The following SOBP variants were observed in gnomAD, a reference collection of about 807,000 sequenced individuals.
The protein encoded by SOBP is sine oculis binding protein homolog.
In SOBP, 4 loss-of-function variants were observed where a neutral mutation model predicts 53.6. The ratio of observed to expected loss-of-function variants is 0.07; its 90% CI spans 0.04 to 0.17. The LOEUF (loss-of-function observed/expected upper bound fraction) is 0.17. Among genes scored for constraint, SOBP ranks in the 10% least tolerant of loss-of-function variants. The pLI, the probability that SOBP is intolerant of heterozygous loss-of-function variation, is 1.00. For synonymous variants in SOBP, 584 were observed against 522.6 expected (o/e 1.12, Z -1.60); for missense variants, 1,088 against 1,204.7 (o/e 0.90, Z 1.43).
intron 1 of SOBP, among the ~76,000 whole-genome samples, chr6:107,495,264 C>T (rs1403917241): frequency 2.6e-5 from 4 of 152,286 alleles, no homozygotes. Flanking sequence ...TGTTCCTGAG[C>T]CTTCAGCCTT....
chr6:107,635,604 G>T lies in SOBP; in HGVS notation c.*3+135G>T. The T allele has an allele frequency of 6.5e-6, 8 of 1,228,656 alleles. No individual in the cohort carries two copies. The highest frequency in any genetic ancestry group is 1.9e-5 in the Admixed American group (1 of 51,344). 76.1% of individuals were successfully genotyped at this position (1,228,656 alleles called of 1,614,324 possible). On this transcript the variant is annotated intron_variant, in intron 6 of 6. Coordinates refer to ENST00000317357, the MANE Select transcript of SOBP (RefSeq NM_018013.4). The surrounding 1 kb of genome is among the most constrained non-coding windows in gnomAD (Gnocchi z 4.5). ...TTTATATTGCACACGGTGTGGTCAC[G>T]CTATCAACATTCTGAGCCAGCAGCT...
intron 3 of SOBP, among the ~76,000 whole-genome samples, chr6:107,521,909 AACACACACACACAC>A (rs34004579): frequency 0.52 from 73,025 of 139,228 alleles, 21,135 homozygotes; most frequent in Non-Finnish European, 0.66. Context: ...CAGACATTAA[AACACACACACACAC>A]ACACACACAC....
chr6:107,616,089 G>T (rs1240911073), intron 5 of SOBP, among the ~76,000 whole-genome samples: 6 of 128,122 alleles, frequency 4.7e-5, no homozygotes, highest in African/African-American at 1.8e-4. Context: ...GGGGGTGGGG[G>T]GGGGGCGGGG....
Position 107,635,436 on chromosome 6 carries a change from G to A in SOBP, c.2592G>A (p.Arg864=). The stretch of plus-strand genomic sequence containing the variant: ...ACCTGGAGCCGCCGCTCAAAAGGAG[G>A]TGCCTCCGAATTAGAAATCAGAATA... ...PEDLEPPLKR[R]CLRIRNQNK Residue 864 remains arginine, a synonymous_variant, in exon 6 of 7, where the codon AGG becomes AGA. Transcript: ENST00000317357. This position sits in a 1 kb window ranked among gnomAD's most constrained non-coding sequence, Gnocchi z 4.5. 3 of 1,613,554 alleles carry A rather than the reference G, an allele frequency of 1.9e-6. No homozygotes were observed. The highest frequency in any genetic ancestry group is 2.5e-6 in the Non-Finnish European group (3 of 1,180,020).
chr6:107,610,444 A>G (rs916784857), intron 5 of SOBP, among the ~76,000 whole-genome samples: 4 of 152,176 alleles, frequency 2.6e-5, no homozygotes, highest in African/African-American at 9.7e-5. Flanking sequence ...GAAGGGACAC[A>G]GTAGGTCTGA....
At chr6:107,599,084 C>T (rs1438046398) in intron 5 of SOBP, among the ~76,000 whole-genome samples, 2 of 152,028 alleles carry the variant, frequency 1.3e-5, no homozygotes, top group African/African-American at 4.8e-5. Flanking sequence ...GCAACAACCC[C>T]TTCCCCCTGA....
intron 5 of SOBP, among the ~76,000 whole-genome samples, chr6:107,612,280 G>A (rs1458703456): frequency 2.6e-5 from 4 of 152,154 alleles, no homozygotes; most frequent in African/African-American, 9.7e-5. Context: ...AGAACTGATA[G>A]CTTCAGGTCA....
chr6:107,605,205 A>T (rs1786328403), intron 5 of SOBP, among the ~76,000 whole-genome samples: 1 of 152,186 alleles, frequency 6.6e-6, no homozygotes, highest in Non-Finnish European at 1.5e-5. Flanking sequence ...ACATACTACA[A>T]TATCTGTTTT....
intron 1 of SOBP, among the ~76,000 whole-genome samples, chr6:107,502,961 A>G (rs1156278324): frequency 6.6e-6 from 1 of 151,908 alleles, no homozygotes; most frequent in East Asian, 1.9e-4. Flanking sequence ...GGGTTTCACC[A>G]TGTTGCCCAG....
chr6:107,625,947 T>C (rs1398624056), intron 5 of SOBP, among the ~76,000 whole-genome samples: 1 of 152,200 alleles, frequency 6.6e-6, no homozygotes, highest in Non-Finnish European at 1.5e-5. Flanking sequence ...TTCCCTTATA[T>C]ACAAGTACAA....
Position 107,648,346 on chromosome 6 carries a change from T to G in SOBP, c.*4-9861T>G, listed in dbSNP as rs77368861. On this transcript the variant is annotated intron_variant, in intron 6 of 6. Transcript: ENST00000317357. ...GGACCCTGTCCTTTCCACTGACCCC[T>G]TGAATGAGTCTCTAAATTCATCTAG... 5.9e-5 allele frequency among the ~76,000 whole-genome samples: 9 copies of G among 152,196 alleles called. No homozygotes were observed. The East Asian group carries it at 1.7e-3, about 29-fold the overall frequency.
rs185792017 is a variant in SOBP at position 107,558,520 on chromosome 6, G to T, written c.573+24910G>T. On this transcript the variant is annotated intron_variant, in intron 4 of 6. Transcript: ENST00000317357. The stretch of plus-strand genomic sequence containing the variant: ...CCTGACCTCGTGATCCGCCCGCCTC[G>T]GCCTCCCAAAGTGCTGGGATTACAG... Among the ~76,000 whole-genome samples the T allele has an allele frequency of 2.0e-3, 304 of 151,852 alleles. 2 individuals are homozygous for T. The highest frequency in any genetic ancestry group is 7.0e-3 in the African/African-American group (290 of 41,400).
chr6:107,506,751 T>C (rs1033755521), intron 3 of SOBP, among the ~76,000 whole-genome samples: 3 of 152,050 alleles, frequency 2.0e-5, no homozygotes, highest in African/African-American at 7.2e-5. Context: ...AAATAAAATA[T>C]AGACAATGAC....
At chr6:107,624,692 T>C (rs1174108182) in intron 5 of SOBP, among the ~76,000 whole-genome samples, 2 of 152,188 alleles carry the variant, frequency 1.3e-5, no homozygotes, top group African/African-American at 4.8e-5. Context: ...AAGATTGCTA[T>C]GGTATGAATC....
chr6:107,615,107 G>A (rs1786737680), intron 5 of SOBP, among the ~76,000 whole-genome samples: 1 of 152,138 alleles, frequency 6.6e-6, no homozygotes, highest in Non-Finnish European at 1.5e-5. Context: ...AGATCCAGCT[G>A]GAGCCTGCGG....
intron 3 of SOBP, among the ~76,000 whole-genome samples, chr6:107,519,742 G>A (rs1175764478): frequency 6.6e-6 from 1 of 152,160 alleles, no homozygotes; most frequent in African/African-American, 2.4e-5. Context: ...AATTACCTCT[G>A]CAATTGAACA....
chr6:107,584,743 A>G (rs558899397), intron 4 of SOBP, among the ~76,000 whole-genome samples: 32 of 152,160 alleles, frequency 2.1e-4, no homozygotes, highest in African/African-American at 7.7e-4. Context: ...GCAGCTTTAT[A>G]TGAAGTCTGT....
At chr6:107,557,480 C>T (rs562750993) in intron 4 of SOBP, among the ~76,000 whole-genome samples, 156 of 152,160 alleles carry the variant, frequency 1.0e-3, no homozygotes, top group Non-Finnish European at 1.9e-3. Flanking sequence ...GTGTTAACGG[C>T]TACTCTTTCA....
chr6:107,535,491 G>T (rs1358331271), intron 4 of SOBP, among the ~76,000 whole-genome samples: 3 of 152,122 alleles, frequency 2.0e-5, no homozygotes, highest in Non-Finnish European at 2.9e-5. Flanking sequence ...CAGCAGTTTG[G>T]TGTTTAGCCA....
Sources: allele counts gnomAD v4.1 joint callset (sites outside exome capture counted in the v4.1 genomes callset), GRCh38; gene constraint gnomAD v4.1.1; non-coding constraint Gnocchi (gnomAD v3.1); transcripts MANE v1.5; gene names NCBI Gene and HGNC (gene_info 2026-07-23, HGNC 2026-07-21).